ACTR3C: variants seen among roughly 807,000 people sequenced by gnomAD.
ACTR3C encodes actin-related protein 3C.
A neutral mutation model predicts 26.3 loss-of-function variants in ACTR3C; 18 were observed. The ratio of observed to expected loss-of-function variants is 0.68; its 90% confidence interval spans 0.47 to 1.01. The LOEUF is 1.01. Among genes scored for constraint, ACTR3C ranks in the 50% least tolerant of loss-of-function variants. The pLI, the probability that ACTR3C is intolerant of heterozygous loss-of-function variation, is 0.00. For synonymous variants in ACTR3C, 55 were observed against 94.5 expected (o/e 0.58, Z 2.42); for missense variants, 184 against 250.7 (o/e 0.73, Z 1.80).
At chr7:150,222,094 A>G in the ACTR3C span, among the ~76,000 whole-genome samples, 1 of 151,616 alleles carries the variant, frequency 6.6e-6, no homozygotes, top group Non-Finnish European at 1.5e-5. Context: ...GCTGATATTC[A>G]TGGTCATTTC....
the ACTR3C span, among the ~76,000 whole-genome samples, chr7:149,946,264 G>A: frequency 5.9e-5 from 9 of 152,204 alleles, no homozygotes; most frequent in Non-Finnish European, 1.2e-4. Context: ...CATCCTAGGT[G>A]AAATTCTCTC....
the ACTR3C span, among the ~76,000 whole-genome samples, chr7:150,143,924 T>G: frequency 6.6e-6 from 1 of 152,166 alleles, no homozygotes; most frequent in African/African-American, 2.4e-5. Context: ...GAGAAGGAGA[T>G]CAGGTGAGCC....
chr7:150,020,999 T>G, the ACTR3C span, among the ~76,000 whole-genome samples: 1 of 152,028 alleles, frequency 6.6e-6, no homozygotes, highest in African/African-American at 2.4e-5. Context: ...TTTTGTATTT[T>G]TAGTAGGGAC....
the ACTR3C span, among the ~76,000 whole-genome samples, chr7:150,158,926 CAT>C: frequency 1.4e-4 from 21 of 148,092 alleles, no homozygotes; most frequent in African/African-American, 1.8e-4. Flanking sequence ...CGTGCACACA[CAT>C]GTGCGCAGAC....
chr7:149,962,583 C>T, the ACTR3C span, among the ~76,000 whole-genome samples: 10 of 152,004 alleles, frequency 6.6e-5, no homozygotes, highest in South Asian at 2.1e-4. Context: ...GATGCTCTCC[C>T]GACTCCACAC....
the ACTR3C span, among the ~76,000 whole-genome samples, chr7:149,999,784 C>T: frequency 1.3e-5 from 2 of 151,630 alleles, no homozygotes; most frequent in African/African-American, 4.8e-5. Context: ...TCTCTACCTA[C>T]AAGGGGAGCA....
the ACTR3C span, among the ~76,000 whole-genome samples, chr7:150,221,268 GTT>G: frequency 6.8e-6 from 1 of 146,510 alleles, no homozygotes; most frequent in African/African-American, 2.5e-5. Flanking sequence ...CTTCCCAAGA[GTT>G]TTTTTTTCTT....
the ACTR3C span, among the ~76,000 whole-genome samples, chr7:149,912,572 G>A: frequency 1.3e-5 from 2 of 150,384 alleles, no homozygotes; most frequent in Non-Finnish European, 3.0e-5. Context: ...GCGCGATCTC[G>A]GCTCACTGCA....
chr7:150,232,595 A>G, the ACTR3C span, among the ~76,000 whole-genome samples: 3 of 145,090 alleles, frequency 2.1e-5, no homozygotes, highest in South Asian at 2.1e-4. Context: ...AGGCTGAGGC[A>G]GGCAGATCAC....
At chr7:150,034,041 AG>A in the ACTR3C span, among the ~76,000 whole-genome samples, 1 of 150,918 alleles carries the variant, frequency 6.6e-6, no homozygotes, top group Non-Finnish European at 1.5e-5. Flanking sequence ...CAGGGGGGGA[AG>A]AGGGGTTGGC....
At chr7:150,048,187 G>GA in the ACTR3C span, among the ~76,000 whole-genome samples, 3 of 151,772 alleles carry the variant, frequency 2.0e-5, no homozygotes, top group South Asian at 2.1e-4. Context: ...ATTGAAGGAA[G>GA]AAAAAAAACC....
chr7:149,960,148 AC>A, the ACTR3C span, among the ~76,000 whole-genome samples: 1 of 152,022 alleles, frequency 6.6e-6, no homozygotes, highest in African/African-American at 2.4e-5. Context: ...TCTATTATTA[AC>A]CTTTTAGTGT....
rs111674371 is a variant in ACTR3C, at chr7:150,259,272, A to G, written c.565-10218T>C. ...AAGAAAAGAAAGAGAAAGAAGAAAG[A>G]AAAAGAAAGAAAGAAAGAAAAAGAA... On this transcript the variant is annotated intron_variant, in intron 6 of 7. Transcript: ENST00000683684. 2.5e-3 allele frequency among the ~76,000 whole-genome samples: 300 copies of G among 120,576 alleles called. 2 individuals are homozygous for G. The highest frequency in any genetic ancestry group is 0.011 in the African/African-American group (274 of 23,932). The allele number at this position is 120,576 out of a possible 152,430, so 79.1% of individuals were successfully genotyped here.
chr7:150,196,626 T>C, the ACTR3C span, among the ~76,000 whole-genome samples: 9 of 152,226 alleles, frequency 5.9e-5, no homozygotes, highest in Admixed American at 5.9e-4. Flanking sequence ...TATTTGTTGA[T>C]AGCTGAACAT....
chr7:150,047,197 G>A, the ACTR3C span, among the ~76,000 whole-genome samples: 1 of 151,654 alleles, frequency 6.6e-6, no homozygotes, highest in African/African-American at 2.4e-5. Context: ...GAGAGAAGGT[G>A]CCTGAGGCTG....
the ACTR3C span, among the ~76,000 whole-genome samples, chr7:150,184,950 G>T: frequency 1.2e-3 from 188 of 150,604 alleles, 1 homozygote; most frequent in East Asian, 0.034. Flanking sequence ...CTTCCCACCT[G>T]CCCACCACAA....
At chr7:150,114,264 C>G in the ACTR3C span, among the ~76,000 whole-genome samples, 1 of 152,134 alleles carries the variant, frequency 6.6e-6, no homozygotes, top group Non-Finnish European at 1.5e-5. Context: ...TCCCTACTTG[C>G]ATGCATCCTC....
chr7:149,982,329 T>A, the ACTR3C span, among the ~76,000 whole-genome samples: 5 of 152,152 alleles, frequency 3.3e-5, no homozygotes, highest in African/African-American at 1.2e-4. Flanking sequence ...ACTCATGAAT[T>A]GTTTAAGTTC....
chr7:150,054,541 C>G, the ACTR3C span, among the ~76,000 whole-genome samples: 15 of 152,238 alleles, frequency 9.9e-5, no homozygotes, highest in Non-Finnish European at 1.8e-4. Flanking sequence ...TTGGAGAAGA[C>G]CTCAATACAA....
Sources: gnomAD v4.1 joint callset for allele counts (sites outside exome capture counted in the v4.1 genomes callset) on GRCh38, gnomAD v4.1.1 for gene constraint, MANE v1.5 for transcripts, NCBI Gene and HGNC (gene_info 2026-07-23, HGNC 2026-07-21) for gene names.